Variants in JOSD2 observed in about 807,000 individuals in gnomAD.
JOSD2 encodes josephin-2.
Under a neutral mutation model 19.3 loss-of-function variants are expected in JOSD2, and 20 were observed. That is an observed-to-expected ratio of 1.04 (90% CI 0.73 to 1.51). The LOEUF is 1.51. Ranked by LOEUF, JOSD2 falls within the 40% of genes most tolerant of loss-of-function variation. The pLI is 0.00. For synonymous variants in JOSD2, 118 were observed against 123.7 expected (o/e 0.95, Z 0.31); for missense variants, 215 against 250.4 (o/e 0.86, Z 0.95).
intron 1 of JOSD2, 87 bp from the exon 2 acceptor site, chr19:50,510,535 A>T (rs774188395): frequency 1.8e-4 from 229 of 1,308,026 alleles, no homozygotes; most frequent in Middle Eastern, 2.7e-4. Context: ...ATCGCCATTG[A>T]TTGAGCTGGG....
intron 2 of JOSD2, 78 bp from the exon 3 acceptor site, chr19:50,507,777 C>G: frequency 6.5e-7 from 1 of 1,532,280 alleles, no homozygotes; most frequent in Non-Finnish European, 8.8e-7. Flanking sequence ...CCAGGGGCCA[C>G]AAGTTGCCTC....
At chr19:50,507,814 CCCA>C in intron 2 of JOSD2, 115 bp from the exon 3 acceptor site, 10 of 1,307,146 alleles carry the variant, frequency 7.7e-6, no homozygotes, top group Non-Finnish European at 1.0e-5. Context: ...CGCTTCAGAC[CCCA>C]CAACTCATCC....
At position 50,506,378 on chromosome 19, in the gene JOSD2, C is replaced by A; in HGVS notation, c.467G>T (p.Arg156Met). 1 of 1,605,216 alleles carries A rather than the reference C, an allele frequency of 6.2e-7. No homozygotes were observed. Among genetic ancestry groups the A allele is most frequent in the Non-Finnish European group, 8.5e-7 (1 of 1,176,270 alleles). ...PEALGDEDGVRAFLAAALAQG... is the reference protein window; with the variant it reads ...PEALGDEDGVMAFLAAALAQG... ...TTGGAATCGCCTCTGTGGGGCTCAC[C>A]TGACTCCGTCCTCATCCCCCAGGGC... is the stretch of plus-strand genomic sequence containing the variant. The change falls in exon 4 of 5, where the codon AGG (arginine) becomes ATG (methionine). Residue 156 changes from arginine to methionine, a missense_variant and splice_region_variant. Arg to Met is a moderately conservative substitution (Grantham distance 91, BLOSUM62 -1). Coordinates refer to ENST00000598418, the MANE Select transcript of JOSD2 (RefSeq NM_001270639.2).
chr19:50,507,249 C>T (rs1184327683), intron 3 of JOSD2, among the ~76,000 whole-genome samples: 2 of 151,282 alleles, frequency 1.3e-5, no homozygotes, highest in African/African-American at 2.4e-5. Context: ...AGCCACTGGC[C>T]AGCCGGCCAT....
intron 2 of JOSD2, among the ~76,000 whole-genome samples, chr19:50,509,883 C>T (rs4802713): frequency 0.12 from 18,826 of 151,380 alleles, 1,237 homozygotes; most frequent in South Asian, 0.16. Context: ...GAAACCCCGT[C>T]TCTACTAAAA....
At chr19:50,507,481 A>C in intron 3 of JOSD2, 93 bp downstream of exon 3, 5 of 1,468,252 alleles carry the variant, frequency 3.4e-6, no homozygotes, top group Admixed American at 2.2e-5. Context: ...AACCTCCCCC[A>C]GCCACATTCC....
chr19:50,506,294 A>T (rs1568700191), intron 4 of JOSD2, 22 bp from the exon 5 acceptor site: 1 of 1,611,540 alleles, frequency 6.2e-7, no homozygotes, highest in Non-Finnish European at 8.5e-7. Context: ...AAATGGGGAG[A>T]CTGAGGCTCG....
chr19:50,507,862 C>T, intron 2 of JOSD2, 163 bp from the exon 3 acceptor site: 3 of 850,670 alleles, frequency 3.5e-6, no homozygotes, highest in African/African-American at 1.7e-5. Context: ...CCCAATTCTG[C>T]CCTGTCCCCA....
rs201326106 is a variant in JOSD2, at chr19:50,506,243, C to T, written c.497G>A (p.Gly166Asp). The change falls in exon 5 of 5, where the codon GGC becomes GAC. Residue 166 changes from glycine (G) to aspartate (D), a missense_variant. Transcript: ENST00000598418. ...RAFLAAALAQ[G>D]LCEVLLVVTK... ...CACTACCAGCAGCACCTCGCACAGGCCCTGGGCCAGCGCAGCCGCCAGGAA... is the reference window on the plus strand; with the variant it reads ...CACTACCAGCAGCACCTCGCACAGGTCCTGGGCCAGCGCAGCCGCCAGGAA... 6.2e-7 allele frequency: 1 copy of T among 1,612,726 alleles called. No individual in the cohort carries two copies. The highest frequency in any genetic ancestry group is 2.2e-5 in the East Asian group (1 of 44,866).
At chr19:50,508,698 CGTGTG>C (rs1979537233) in intron 2 of JOSD2, among the ~76,000 whole-genome samples, 1 of 140,818 alleles carries the variant, frequency 7.1e-6, no homozygotes, top group African/African-American at 2.7e-5. Context: ...GGAAAACGCT[CGTGTG>C]TGTGTGTGTG....
intron 1 of JOSD2, 164 bp downstream of exon 1, chr19:50,510,953 T>C (rs541823744): frequency 5.4e-5 from 21 of 387,908 alleles, no homozygotes; most frequent in South Asian, 3.6e-4. Flanking sequence ...CTCTCTGCTC[T>C]TGTCACCTGG....
In JOSD2 at chr19:50,506,141, A is replaced by T. The variant is rs1454775369; in HGVS notation, c.*32T>A. 6.3e-7 allele frequency: 1 copy of T among 1,593,882 alleles called. No individual in the cohort carries two copies. The highest frequency in any genetic ancestry group is 8.6e-7 in the Non-Finnish European group (1 of 1,164,442). On this transcript the variant is annotated 3_prime_UTR_variant, in exon 5 of 5. Coordinates refer to ENST00000598418, the MANE Select transcript of JOSD2 (RefSeq NM_001270639.2). ...CGCAGCCGGAGGGGGATGCGCAGGGACTGCGCTGTGGGCGCCGATGGTCAG... is the reference window on the plus strand; with the variant it reads ...CGCAGCCGGAGGGGGATGCGCAGGGTCTGCGCTGTGGGCGCCGATGGTCAG...
intron 2 of JOSD2, among the ~76,000 whole-genome samples, chr19:50,509,585 G>C (rs1168860688): frequency 6.6e-6 from 1 of 152,174 alleles, no homozygotes; most frequent in Non-Finnish European, 1.5e-5. Flanking sequence ...TCCGCTATGA[G>C]GAGGGCCCTG....
chr19:50,507,726 G>A, intron 2 of JOSD2, 27 bp from the exon 3 acceptor site: 1 of 1,598,434 alleles, frequency 6.3e-7, no homozygotes. Flanking sequence ...CCAGAGCTGA[G>A]GTGGGGACCC....
rs908459833 is a variant in JOSD2 at position 50,510,008 on chromosome 19, C to T, written c.146+278G>A. Reference sequence around the variant, plus strand: ...GCCGAGCTCGCAGTGAGCGAGATCGCGCAACTGCACTCCAGCCTGGGCAAC... The same window carrying T: ...GCCGAGCTCGCAGTGAGCGAGATCGTGCAACTGCACTCCAGCCTGGGCAAC... On this transcript the variant is annotated intron_variant, in intron 2 of 4. Transcript: ENST00000598418. 3.8e-5 allele frequency: 12 copies of T among 317,974 alleles called. No individual in the cohort carries two copies. In the Admixed American group the frequency reaches 4.7e-4, roughly 13 times the overall value. The allele number at this position is 317,974 out of a possible 1,614,324, so 19.7% of individuals were successfully genotyped here.
intron 2 of JOSD2, among the ~76,000 whole-genome samples, chr19:50,509,870 G>A (rs1245235201): frequency 6.6e-6 from 1 of 151,740 alleles, no homozygotes; most frequent in Non-Finnish European, 1.5e-5. Flanking sequence ...CGGCTAACAT[G>A]GTGAAACCCC....
intron 1 of JOSD2, 79 bp from the exon 2 acceptor site, chr19:50,510,527 C>T: frequency 2.2e-6 from 3 of 1,359,990 alleles, no homozygotes; most frequent in African/African-American, 2.9e-5. Flanking sequence ...TTTGGGGCAT[C>T]GCCATTGATT....
chr19:50,506,667 G>A, intron 3 of JOSD2, 95 bp from the exon 4 acceptor site: 1 of 1,194,398 alleles, frequency 8.4e-7, no homozygotes, highest in Non-Finnish European at 1.1e-6. Flanking sequence ...GTGGTGGTGA[G>A]GGCCTCCTGA....
chr19:50,507,602 G>A lies in JOSD2; in HGVS notation c.244C>T (p.Leu82=), dbSNP rs1159957935. 6.2e-7 allele frequency: 1 copy of A among 1,608,816 alleles called. No homozygotes were observed. Among genetic ancestry groups the A allele is most frequent in the South Asian group, 1.1e-5 (1 of 91,072 alleles). The change falls in exon 3 of 5, where the codon CTG becomes TTG. Residue 82 remains leucine (L), a synonymous_variant. Coordinates refer to ENST00000598418, the MANE Select transcript of JOSD2 (RefSeq NM_001270639.2). ...VIMAALQGLG[L]AAVWWDRRRP... ...CTCCTGTCCCACCACACGGCGGCCA[G>A]GCCCAGCCCCTGCAGAGCGGCCATG...
Sources: gnomAD v4.1 joint callset for allele counts (sites outside exome capture counted in the v4.1 genomes callset) on GRCh38, gnomAD v4.1.1 for gene constraint, MANE v1.5 for transcripts, NCBI Gene and HGNC (gene_info 2026-07-23, HGNC 2026-07-21) for gene names.